EXOC6B: variants seen among roughly 807,000 people sequenced by gnomAD.
EXOC6B encodes the protein exocyst complex component 6B.
A neutral mutation model predicts 113.5 loss-of-function variants in EXOC6B; 54 were observed. The observed-to-expected ratio is 0.48, with a 90% CI of 0.38 to 0.60. The LOEUF (loss-of-function observed/expected upper bound fraction) is 0.60. EXOC6B is among the 20% of genes least tolerant of loss of function. EXOC6B has a pLI of 0.00. For missense variants in EXOC6B, 797 were observed against 977.5 expected (o/e 0.82, Z 2.46); for synonymous variants, 357 against 339.0 (o/e 1.05, Z -0.58).
At chr2:72,514,611 T>A (rs1242315944) in intron 10 of EXOC6B, 23 bp downstream of exon 10, 7 of 344,940 alleles carry the variant, frequency 2.0e-5, no homozygotes, top group Non-Finnish European at 2.5e-5. Context: ...AATAAATATA[T>A]ATATATATAT....
intron 1 of EXOC6B, among the ~76,000 whole-genome samples, chr2:72,817,020 A>C (rs1170732435): frequency 1.3e-5 from 2 of 152,216 alleles, no homozygotes; most frequent in Non-Finnish European, 2.9e-5. Context: ...CATTTTTTAA[A>C]AACAAGTTTC....
intron 18 of EXOC6B, among the ~76,000 whole-genome samples, chr2:72,422,338 T>G (rs534791972): frequency 6.6e-6 from 1 of 152,342 alleles, no homozygotes; most frequent in South Asian, 2.1e-4. Context: ...GCTCATGGAT[T>G]GTAAACACCC....
chr2:72,723,562 CAGAGTATGATAAAAT>C (rs1195248497), intron 5 of EXOC6B, among the ~76,000 whole-genome samples: 2 of 151,934 alleles, frequency 1.3e-5, no homozygotes, highest in Non-Finnish European at 1.5e-5. Context: ...TTTTAAAATT[CAGAGTATGATAAAAT>C]ATGAAATAAA....
intron 19 of EXOC6B, among the ~76,000 whole-genome samples, chr2:72,340,013 A>T (rs1011007788): frequency 1.3e-5 from 2 of 152,234 alleles, no homozygotes; most frequent in African/African-American, 4.8e-5. Context: ...ACCAGAGGGG[A>T]AAAAGGAAGG....
chr2:72,438,969 G>A (rs1297659325), intron 18 of EXOC6B, among the ~76,000 whole-genome samples: 2 of 152,150 alleles, frequency 1.3e-5, no homozygotes, highest in Non-Finnish European at 2.9e-5. Context: ...GAAATAGTAA[G>A]TTAATTCCAG....
rs140114969 is a variant in EXOC6B at position 72,772,004 on chromosome 2, C to A, written c.114-30535G>T. On this transcript the variant is annotated intron_variant, in intron 1 of 21. Transcript: ENST00000272427. ...ATCAGTTTGAACAAACATCCAAGTA[C>A]AAAAATATATTCAAAAGAACTAAGG... Among the ~76,000 whole-genome samples, 846 of 152,122 alleles carry A rather than the reference C, an allele frequency of 5.6e-3. 7 individuals are homozygous for A. The highest frequency in any genetic ancestry group is 0.02 in the African/African-American group (817 of 41,480).
chr2:72,603,478 C>G (rs890986722), intron 6 of EXOC6B, among the ~76,000 whole-genome samples: 1 of 152,014 alleles, frequency 6.6e-6, no homozygotes, highest in Admixed American at 6.6e-5. Context: ...GAAGAAAAAG[C>G]CTACAACTGC....
intron 20 of EXOC6B, among the ~76,000 whole-genome samples, chr2:72,274,486 A>G (rs1244831269): frequency 1.3e-5 from 2 of 152,172 alleles, no homozygotes; most frequent in African/African-American, 4.8e-5. Flanking sequence ...CTGGGTTACC[A>G]GTGAGTACCT....
chr2:72,374,161 A>T (rs1218553306), intron 19 of EXOC6B, among the ~76,000 whole-genome samples: 1 of 152,248 alleles, frequency 6.6e-6, no homozygotes, highest in Non-Finnish European at 1.5e-5. Flanking sequence ...ATCCAGATCC[A>T]GCAATCCCAC....
At position 72,267,569 on chromosome 2, in the gene EXOC6B, C is replaced by A. The variant is rs567432346; in HGVS notation, c.2196+67378G>T. Among the ~76,000 whole-genome samples the A allele has an allele frequency of 9.6e-4, 146 of 152,178 alleles. No individual in the cohort carries two copies. The South Asian group carries it at 0.011, about 12-fold the overall frequency. On this transcript the variant is annotated intron_variant, in intron 20 of 21. Transcript: ENST00000272427. ...ATGCTGGATTACATTTATTGATTTG[C>A]GTATATTGAACCAGCCTTGCATCCC...
chr2:72,466,074 G>A (rs1262802138), intron 17 of EXOC6B, among the ~76,000 whole-genome samples: 3 of 152,160 alleles, frequency 2.0e-5, no homozygotes, highest in Non-Finnish European at 4.4e-5. Context: ...CCCAGGTGCA[G>A]TGGCTCATGC....
intron 1 of EXOC6B, among the ~76,000 whole-genome samples, chr2:72,782,686 C>A (rs1054726104): frequency 1.3e-5 from 2 of 152,104 alleles, no homozygotes; most frequent in African/African-American, 4.8e-5. Flanking sequence ...TCCCACACAC[C>A]CACCCTCCCA....
intron 6 of EXOC6B, among the ~76,000 whole-genome samples, chr2:72,697,587 G>A (rs199703782): frequency 6.6e-6 from 1 of 152,222 alleles, no homozygotes; most frequent in East Asian, 1.9e-4. Flanking sequence ...AGGAGGTTGA[G>A]GTGGGAGGAT....
chr2:72,209,243 A>AAAAAG (rs1231419000), intron 20 of EXOC6B, among the ~76,000 whole-genome samples: 98 of 110,636 alleles, frequency 8.9e-4, no homozygotes, highest in African/African-American at 1.8e-3. Flanking sequence ...AAAAAAAAAA[A>AAAAAG]AAAAGAAAAG....
At chr2:72,652,889 C>A (rs1208588073) in intron 6 of EXOC6B, among the ~76,000 whole-genome samples, 1 of 151,134 alleles carries the variant, frequency 6.6e-6, no homozygotes, top group Non-Finnish European at 1.5e-5. Context: ...CTCACACCTG[C>A]AGTCCCATCA....
At chr2:72,357,538 A>C (rs1156355503) in intron 19 of EXOC6B, among the ~76,000 whole-genome samples, 1 of 152,102 alleles carries the variant, frequency 6.6e-6, no homozygotes, top group Non-Finnish European at 1.5e-5. Flanking sequence ...AAAAAATACA[A>C]AAATTAGCCA....
chr2:72,565,913 C>T (rs964599593), intron 7 of EXOC6B, among the ~76,000 whole-genome samples: 12 of 152,074 alleles, frequency 7.9e-5, no homozygotes, highest in South Asian at 2.1e-4. Context: ...CAAAATTATA[C>T]GTGCATTTAC....
chr2:72,767,823 A>AAAAAAAAAAAAAAAAAAAAAAAAAAC (rs1249646454), intron 1 of EXOC6B, among the ~76,000 whole-genome samples: 1 of 141,264 alleles, frequency 7.1e-6, no homozygotes, highest in Non-Finnish European at 1.5e-5. Flanking sequence ...AAAAAAAAAA[A>AAAAAAAAAAAAAAAAAAAAAAAAAAC]AAAAAAAAAA....
chr2:72,411,483 T>C (rs1179980759), intron 18 of EXOC6B, among the ~76,000 whole-genome samples: 1 of 152,068 alleles, frequency 6.6e-6, no homozygotes, highest in Non-Finnish European at 1.5e-5. Flanking sequence ...CTCCAGCATA[T>C]AGATGGGACC....
Sources: gnomAD v4.1 joint callset for allele counts (sites outside exome capture counted in the v4.1 genomes callset) on GRCh38, gnomAD v4.1.1 for gene constraint, MANE v1.5 for transcripts, NCBI Gene and HGNC (gene_info 2026-07-23, HGNC 2026-07-21) for gene names.